PCDH7: variants seen among roughly 807,000 people sequenced by gnomAD.
PCDH7 encodes protocadherin-7.
Under a neutral mutation model 58.9 loss-of-function variants are expected in PCDH7, and 17 were observed. The ratio of observed to expected loss-of-function variants is 0.29; its 90% CI spans 0.20 to 0.43. PCDH7 has a LOEUF of 0.43. Among genes scored for constraint, PCDH7 ranks in the 20% least tolerant of loss-of-function variants. The probability of loss-of-function intolerance (pLI) is 1.00; values close to 1 mark genes in which losing one functional copy is unlikely to be tolerated. For missense variants in PCDH7, 1,274 were observed against 1,441.0 expected, an observed-to-expected ratio of 0.88 and a Z score of 1.88; for synonymous variants, 664 against 616.4, an observed-to-expected ratio of 1.08 and a Z score of -1.14.
chr4:31,034,477 G>A (rs918696222), intron 3 of PCDH7, among the ~76,000 whole-genome samples: 3 of 152,058 alleles, frequency 2.0e-5, no homozygotes, highest in African/African-American at 7.2e-5. Flanking sequence ...ATATAGCAGG[G>A]GAGATGTTAC....
chr4:30,833,387 C>G (rs1431223373), intron 1 of PCDH7, among the ~76,000 whole-genome samples: 2 of 152,156 alleles, frequency 1.3e-5, no homozygotes, highest in African/African-American at 4.8e-5. Context: ...TCAAAGTCAG[C>G]AGTGGCTGGT....
intron 3 of PCDH7, among the ~76,000 whole-genome samples, chr4:31,043,901 T>C (rs1328459776): frequency 6.6e-6 from 1 of 152,132 alleles, no homozygotes; most frequent in Non-Finnish European, 1.5e-5. Context: ...AATTGCTTTG[T>C]CATGGTAAAG....
chr4:30,897,338 AT>A (rs796114925), intron 1 of PCDH7, among the ~76,000 whole-genome samples: 3 of 152,280 alleles, frequency 2.0e-5, no homozygotes, highest in African/African-American at 7.2e-5. Flanking sequence ...ATTTAACCAT[AT>A]TTAGTAAATG....
chr4:30,990,577 T>C (rs1429051313), intron 3 of PCDH7, among the ~76,000 whole-genome samples: 1 of 152,164 alleles, frequency 6.6e-6, no homozygotes, highest in Non-Finnish European at 1.5e-5. Flanking sequence ...TATAAATCAA[T>C]CTACCTTGGG....
At chr4:30,861,103 G>T (rs1734139191) in intron 1 of PCDH7, among the ~76,000 whole-genome samples, 1 of 152,174 alleles carries the variant, frequency 6.6e-6, no homozygotes, top group Admixed American at 6.5e-5. Context: ...GCGCAAGAGA[G>T]AAATGTTCTT....
At chr4:30,909,266 G>A (rs1321989317) in intron 1 of PCDH7, among the ~76,000 whole-genome samples, 1 of 152,056 alleles carries the variant, frequency 6.6e-6, no homozygotes, top group Non-Finnish European at 1.5e-5. Flanking sequence ...TTTGAAAAAC[G>A]GCACAAGACA....
At chr4:30,760,409 T>C (rs1293981492) in intron 1 of PCDH7, among the ~76,000 whole-genome samples, 5 of 152,208 alleles carry the variant, frequency 3.3e-5, no homozygotes, top group African/African-American at 1.2e-4. Flanking sequence ...CAAATTGTCT[T>C]TGTTTACTGA....
At chr4:30,730,653 A>C in intron 1 of PCDH7, 1 of 813,716 alleles carries the variant, frequency 1.2e-6, no homozygotes, top group Non-Finnish European at 1.9e-6. Context: ...CTTAGCTCCG[A>C]AATCTCTACT....
At chr4:30,887,270 C>G (rs1360039254) in intron 1 of PCDH7, among the ~76,000 whole-genome samples, 1 of 152,100 alleles carries the variant, frequency 6.6e-6, no homozygotes, top group African/African-American at 2.4e-5. Flanking sequence ...ACCATTGTTT[C>G]TTTCAACTTG....
chr4:31,096,766 G>A (rs1714043057), intron 3 of PCDH7, among the ~76,000 whole-genome samples: 1 of 152,230 alleles, frequency 6.6e-6, no homozygotes, highest in African/African-American at 2.4e-5. Context: ...GGCAGATTCT[G>A]GGATCCTTGC....
At chr4:30,937,811 CAT>C (rs1267713189) in intron 2 of PCDH7, among the ~76,000 whole-genome samples, 17 of 151,530 alleles carry the variant, frequency 1.1e-4, no homozygotes, top group Non-Finnish European at 5.9e-5. Context: ...TTTTATTTGA[CAT>C]ATGGAATCAT....
intron 3 of PCDH7, among the ~76,000 whole-genome samples, chr4:31,137,488 A>G (rs10030161): frequency 0.54 from 81,965 of 152,100 alleles, 23,798 homozygotes; most frequent in African/African-American, 0.77. Context: ...GGAGGCTGAG[A>G]CATGAGAATC....
intron 1 of PCDH7, among the ~76,000 whole-genome samples, chr4:30,872,092 A>G (rs1240681648): frequency 6.6e-6 from 1 of 152,096 alleles, no homozygotes; most frequent in Non-Finnish European, 1.5e-5. Context: ...ACTTCAACAT[A>G]TCTTTTGGGA....
intron 1 of PCDH7, among the ~76,000 whole-genome samples, chr4:30,756,096 C>A (rs78210059): frequency 3.3e-5 from 5 of 152,076 alleles, no homozygotes; most frequent in African/African-American, 4.8e-5. Flanking sequence ...ACCAACCAAC[C>A]AACAAACAAA....
chr4:31,145,176 A>T (rs1378879633), downstream of PCDH7: 1 of 151,938 alleles, frequency 6.6e-6, no homozygotes, highest in African/African-American at 2.4e-5. Context: ...GGACCTTCGG[A>T]TTAATTGGAT....
chr4:31,051,548 A>C (rs547377610), intron 3 of PCDH7, among the ~76,000 whole-genome samples: 1 of 152,170 alleles, frequency 6.6e-6, no homozygotes, highest in Non-Finnish European at 1.5e-5. Context: ...AGAAGTTGCC[A>C]TTCTACAATT....
At chr4:30,960,479 TG>T (rs1172450139) in intron 3 of PCDH7, among the ~76,000 whole-genome samples, 2 of 152,174 alleles carry the variant, frequency 1.3e-5, no homozygotes, top group African/African-American at 4.8e-5. Flanking sequence ...GGCATAGCCA[TG>T]TTTTTAGAAT....
chr4:31,035,398 C>T (rs1342216621), intron 3 of PCDH7, among the ~76,000 whole-genome samples: 2 of 151,926 alleles, frequency 1.3e-5, no homozygotes, highest in Non-Finnish European at 2.9e-5. Context: ...GGATTATGGG[C>T]GTGTGCCACC....
intron 3 of PCDH7, among the ~76,000 whole-genome samples, chr4:31,016,140 A>G (rs909765153): frequency 6.6e-6 from 1 of 152,204 alleles, no homozygotes; most frequent in Middle Eastern, 3.2e-3. Context: ...TCAATGTCCA[A>G]GGACATTAAA....
Sources: gnomAD v4.1 joint callset for allele counts (sites outside exome capture counted in the v4.1 genomes callset) on GRCh38, gnomAD v4.1.1 for gene constraint, MANE v1.5 for transcripts, NCBI Gene and HGNC (gene_info 2026-07-23, HGNC 2026-07-21) for gene names.